The following DCAF5 variants were observed in gnomAD, a reference collection of about 807,000 sequenced individuals.
DCAF5 encodes DDB1 and CUL4 associated factor 5.
In DCAF5, 9 loss-of-function variants were observed where a neutral mutation model predicts 80.7. The observed-to-expected ratio is 0.11, with a 90% confidence interval of 0.07 to 0.19. DCAF5 has a LOEUF of 0.19. Ranked by LOEUF, DCAF5 falls within the 10% of genes least tolerant of loss-of-function variation. The pLI is 1.00. For missense variants in DCAF5, 842 were observed against 1,205.7 expected (o/e 0.70, Z 4.47); for synonymous variants, 433 against 461.9 (o/e 0.94, Z 0.80).
chr14:69,144,131 A>C (rs911632437), intron 1 of DCAF5, among the ~76,000 whole-genome samples: 6 of 152,156 alleles, frequency 3.9e-5, no homozygotes, highest in Admixed American at 3.3e-4. Flanking sequence ...TCTATACTAC[A>C]AATCTCATTG....
chr14:69,136,144 C>G (rs1385956423), intron 1 of DCAF5, among the ~76,000 whole-genome samples: 1 of 123,340 alleles, frequency 8.1e-6, no homozygotes, highest in Admixed American at 1.0e-4. Flanking sequence ...GATACAGGGT[C>G]CTACTCTGTC....
intron 8 of DCAF5, among the ~76,000 whole-genome samples, chr14:69,060,895 G>T (rs1038299624): frequency 2.0e-5 from 3 of 151,710 alleles, no homozygotes; most frequent in Non-Finnish European, 2.9e-5. Flanking sequence ...GCTCTGGATA[G>T]TTATTTTTTT....
chr14:69,143,106 C>G (rs895055711), intron 1 of DCAF5, among the ~76,000 whole-genome samples: 1 of 152,154 alleles, frequency 6.6e-6, no homozygotes, highest in Non-Finnish European at 1.5e-5. Flanking sequence ...AGTACTGTGG[C>G]TGTGATGAGA....
chr14:69,103,024 G>A (rs569550325), intron 5 of DCAF5, among the ~76,000 whole-genome samples: 3 of 152,150 alleles, frequency 2.0e-5, no homozygotes, highest in African/African-American at 7.2e-5. Context: ...ATTACCAGGT[G>A]ACAGGAATTT....
At chr14:69,074,190 C>T (rs143520455) in intron 7 of DCAF5, among the ~76,000 whole-genome samples, 193 of 152,288 alleles carry the variant, frequency 1.3e-3, no homozygotes, top group African/African-American at 4.3e-3. Flanking sequence ...ACTATAGACA[C>T]GTTTTGTGTA....
At chr14:69,070,495 C>T (rs1364777137) in intron 7 of DCAF5, among the ~76,000 whole-genome samples, 1 of 152,208 alleles carries the variant, frequency 6.6e-6, no homozygotes, top group African/African-American at 2.4e-5. Context: ...AACTGACGCT[C>T]AGACAAATAC....
intron 5 of DCAF5, among the ~76,000 whole-genome samples, chr14:69,110,061 A>T (rs138343044): frequency 6.6e-6 from 1 of 152,260 alleles, no homozygotes; most frequent in Non-Finnish European, 1.5e-5. Flanking sequence ...TGCTCTCATG[A>T]GTGATAAAGT....
chr14:69,121,189 G>C (rs925948283), intron 2 of DCAF5, among the ~76,000 whole-genome samples: 2 of 152,184 alleles, frequency 1.3e-5, no homozygotes, highest in African/African-American at 4.8e-5. Flanking sequence ...CATTCTTCAG[G>C]CACTGTAGGC....
At chr14:69,084,425 A>G (rs1018549062) in intron 6 of DCAF5, 11 of 893,860 alleles carry the variant, frequency 1.2e-5, no homozygotes, top group Non-Finnish European at 1.5e-5. Context: ...ATTAAAACAA[A>G]TTATTAAACT....
chr14:69,136,544 T>A (rs576328634), intron 1 of DCAF5, among the ~76,000 whole-genome samples: 126 of 152,358 alleles, frequency 8.3e-4, no homozygotes, highest in Non-Finnish European at 1.2e-3. Flanking sequence ...TATTTTTTTT[T>A]AATTTTGGAA....
chr14:69,070,053 A>G (rs74059870), intron 7 of DCAF5, among the ~76,000 whole-genome samples: 9,555 of 152,190 alleles, frequency 0.063, 998 homozygotes, highest in African/African-American at 0.22. Flanking sequence ...AAGATTAGGA[A>G]ATTTTTCCAA....
At chr14:69,120,312 C>A (rs1429000670) in intron 2 of DCAF5, among the ~76,000 whole-genome samples, 2 of 152,074 alleles carry the variant, frequency 1.3e-5, no homozygotes, top group East Asian at 3.8e-4. Context: ...GTTGCCCAGG[C>A]TGGTCTCAAA....
rs1023907206 is a variant in DCAF5 at position 69,090,127 on chromosome 14, A to C, written c.879+1547T>G. The C allele has an allele frequency of 3.0e-6, 3 of 984,566 alleles. No individual in the cohort carries two copies. The African/African-American group carries it at 5.2e-5, about 17-fold the overall frequency. The allele number at this position is 984,566 out of a possible 1,614,324, so 61.0% of individuals were successfully genotyped here. On this transcript the variant is annotated intron_variant, in intron 6 of 8. Coordinates refer to ENST00000341516, the MANE Select transcript of DCAF5 (RefSeq NM_003861.3). ...TATTATTCAACAAAACAAGAATTACATGCATAAGAAGTTGACAAAGGATAG... is the reference window on the plus strand; with the variant it reads ...TATTATTCAACAAAACAAGAATTACCTGCATAAGAAGTTGACAAAGGATAG...
intron 5 of DCAF5, among the ~76,000 whole-genome samples, chr14:69,110,501 C>A (rs2040324662): frequency 6.6e-6 from 1 of 151,954 alleles, no homozygotes; most frequent in Non-Finnish European, 1.5e-5. Flanking sequence ...AACTCCTGAC[C>A]TTGTGATCCA....
intron 7 of DCAF5, among the ~76,000 whole-genome samples, chr14:69,068,828 T>C (rs1322630923): frequency 6.6e-6 from 1 of 152,074 alleles, no homozygotes; most frequent in African/African-American, 2.4e-5. Flanking sequence ...TCTTCCAGTG[T>C]CAAACCATAA....
intron 5 of DCAF5, among the ~76,000 whole-genome samples, chr14:69,092,896 T>C (rs913181073): frequency 6.6e-6 from 1 of 152,218 alleles, no homozygotes; most frequent in Non-Finnish European, 1.5e-5. Context: ...TTATCTAGTT[T>C]CACTAAAGAG....
intron 5 of DCAF5, among the ~76,000 whole-genome samples, chr14:69,104,105 T>G (rs540328730): frequency 6.6e-6 from 1 of 152,332 alleles, no homozygotes; most frequent in South Asian, 2.1e-4. Context: ...CTCCTAGATA[T>G]AGATCCAAGA....
rs2040597276 is a variant in DCAF5 at position 69,118,131 on chromosome 14, G to A, written c.535+8C>T. The A allele has an allele frequency of 1.9e-6, 3 of 1,613,774 alleles. No homozygotes were observed. The highest frequency in any genetic ancestry group is 2.5e-6 in the Non-Finnish European group (3 of 1,179,788). Reference sequence around the variant, plus strand: ...ACAGTCCAACAGTCATTTGCACAGTGAGCCTACCTCCATGGGGGGATTCCC... The same window carrying A: ...ACAGTCCAACAGTCATTTGCACAGTAAGCCTACCTCCATGGGGGGATTCCC... On this transcript the variant is annotated splice_region_variant and intron_variant, in intron 4 of 8. Transcript: ENST00000341516. The surrounding 1 kb of genome is among the most constrained non-coding windows in gnomAD (Gnocchi z 4.0).
At position 69,093,480 on chromosome 14, in the gene DCAF5, T is replaced by TA. The variant is rs780895583; in HGVS notation, c.666-1594dup. 1.3e-3 allele frequency among the ~76,000 whole-genome samples: 205 copies of TA among 152,330 alleles called. 3 individuals are homozygous for TA. The highest frequency in any genetic ancestry group is 3.4e-3 in the Middle Eastern group (1 of 294). On this transcript the variant is annotated intron_variant, in intron 5 of 8. Transcript: ENST00000341516. The stretch of plus-strand genomic sequence containing the variant: ...TGTACCAAGTGAAAAAAGAGCTATA[T>TA]ATTACCAGAAGAGAGTTAATATTGA...
Sources: allele counts gnomAD v4.1 joint callset (sites outside exome capture counted in the v4.1 genomes callset), GRCh38; gene constraint gnomAD v4.1.1; non-coding constraint Gnocchi (gnomAD v3.1); transcripts MANE v1.5; gene names NCBI Gene and HGNC (gene_info 2026-07-23, HGNC 2026-07-21).